The following CDK5RAP2 variants were observed in gnomAD, a reference collection of about 807,000 sequenced individuals.
The protein encoded by CDK5RAP2 is CDK5 regulatory subunit associated protein 2.
Under a neutral mutation model 232.9 loss-of-function variants are expected in CDK5RAP2, and 147 were observed. The ratio of observed to expected loss-of-function variants is 0.63; its 90% CI spans 0.55 to 0.72. CDK5RAP2 has a LOEUF of 0.72. Ranked by LOEUF, CDK5RAP2 falls within the 30% of genes least tolerant of loss-of-function variation. The probability of loss-of-function intolerance (pLI) is 0.00; values close to 1 mark genes in which losing one functional copy is unlikely to be tolerated. For synonymous variants in CDK5RAP2, 833 were observed against 833.7 expected (o/e 1.00, Z 0.01); for missense variants, 2,195 against 2,231.5 (o/e 0.98, Z 0.33).
intron 36 of CDK5RAP2, 101 bp from the exon 37 acceptor site, chr9:120,389,888 C>T: frequency 3.8e-6 from 4 of 1,054,632 alleles, no homozygotes; most frequent in Admixed American, 1.8e-5. Context: ...CCAAAGGGCT[C>T]GGACATGTAG....
intron 1 of CDK5RAP2, among the ~76,000 whole-genome samples, chr9:120,573,903 G>C (rs1217516660): frequency 2.0e-5 from 3 of 152,166 alleles, no homozygotes. Flanking sequence ...TGGTGGTCCA[G>C]AAGCCCAAGG....
chr9:120,572,371 A>T (rs551097966), intron 1 of CDK5RAP2, among the ~76,000 whole-genome samples: 2 of 152,350 alleles, frequency 1.3e-5, no homozygotes, highest in South Asian at 4.1e-4. Context: ...AATCTGGTAC[A>T]TGAGGATACC....
chr9:120,545,660 C>G, intron 5 of CDK5RAP2, 54 bp downstream of exon 5: 2 of 1,350,570 alleles, frequency 1.5e-6, no homozygotes, highest in Non-Finnish European at 2.1e-6. Context: ...CTCTATTTCA[C>G]TGACCAACCC....
At chr9:120,552,127 T>C (rs1454810260) in intron 3 of CDK5RAP2, among the ~76,000 whole-genome samples, 1 of 151,696 alleles carries the variant, frequency 6.6e-6, no homozygotes, top group African/African-American at 2.4e-5. Flanking sequence ...GAAATGCAAA[T>C]CAAAACCACA....
intron 12 of CDK5RAP2, among the ~76,000 whole-genome samples, chr9:120,499,078 A>G (rs923796240): frequency 6.6e-6 from 1 of 152,166 alleles, no homozygotes; most frequent in Non-Finnish European, 1.5e-5. Context: ...ATTTCAAACA[A>G]TTGTTTTTAA....
At chr9:120,550,665 A>G in intron 4 of CDK5RAP2, 127 bp downstream of exon 4, 1 of 730,754 alleles carries the variant, frequency 1.4e-6, no homozygotes, top group East Asian at 2.6e-5. Context: ...GCTCCCCATA[A>G]TCAATTCAGA....
chr9:120,466,726 C>T (rs1333183868), intron 18 of CDK5RAP2, among the ~76,000 whole-genome samples: 1 of 152,156 alleles, frequency 6.6e-6, no homozygotes, highest in Non-Finnish European at 1.5e-5. Context: ...ATAATGTTCC[C>T]TCTCACAAAG....
rs564228451 is a variant in CDK5RAP2, at chr9:120,400,835, G to A, written c.5358C>T (p.Ala1786=). 2 of 1,614,206 alleles carry A rather than the reference G, an allele frequency of 1.2e-6. No homozygotes were observed. The highest frequency in any genetic ancestry group is 2.7e-5 in the African/African-American group (2 of 75,054). Residue 1786 remains alanine (A), a synonymous_variant, in exon 35 of 38, where the codon GCC becomes GCT. Coordinates refer to ENST00000349780, the MANE Select transcript of CDK5RAP2 (RefSeq NM_018249.6). ...TGTAGGCCTCTTCCAGGGTCAGCTT[G>A]GCCGTGCTCACACTGCTCACAAACT... ...LSKFVSSVST[A]KLTLEEAYRR...
chr9:120,426,858 G>GTCTGTTC (rs942645181), intron 25 of CDK5RAP2, among the ~76,000 whole-genome samples: 1 of 152,200 alleles, frequency 6.6e-6, no homozygotes, highest in African/African-American at 2.4e-5. Flanking sequence ...TTGCTACAGA[G>GTCTGTTC]TCTGTTCAGT....
chr9:120,437,349 G>C lies in CDK5RAP2; in HGVS notation c.3901C>G (p.Gln1301Glu). The C allele has an allele frequency of 6.2e-7, 1 of 1,614,094 alleles. No individual in the cohort carries two copies. Among genetic ancestry groups the C allele is most frequent in the Non-Finnish European group, 8.5e-7 (1 of 1,179,994 alleles). The change falls in exon 25 of 38, where the codon CAG (glutamine) becomes GAG (glutamate). Residue 1301 changes from glutamine to glutamate, a missense_variant. Physicochemically the swap from Gln to Glu is conservative, Grantham distance 29. Transcript: ENST00000349780. ...DYCVAEGFQE[Q>E]LNQCAELLEK... The stretch of plus-strand genomic sequence containing the variant: ...AGCAGCTCAGCACATTGATTCAGCT[G>C]TTCCTGGAAACCCTCGGCCACACAG...
At chr9:120,484,715 C>A (rs1348080082) in intron 14 of CDK5RAP2, among the ~76,000 whole-genome samples, 2 of 151,872 alleles carry the variant, frequency 1.3e-5, no homozygotes, top group African/African-American at 4.8e-5. Context: ...CAGAGCAAGA[C>A]TCTGTCTCAA....
At chr9:120,507,936 A>AGT (rs2039898706) in intron 12 of CDK5RAP2, among the ~76,000 whole-genome samples, 1 of 60,462 alleles carries the variant, frequency 1.7e-5, no homozygotes, top group African/African-American at 5.4e-5. Context: ...AAAAAAAAAA[A>AGT]AAAAAAATAT....
chr9:120,407,755 T>C (rs2033572378), intron 31 of CDK5RAP2: 1 of 165,040 alleles, frequency 6.1e-6, no homozygotes, highest in Admixed American at 5.7e-5. Flanking sequence ...AAATTGATTC[T>C]GAAACATTAG....
At chr9:120,520,821 T>TA (rs2040607579) in intron 11 of CDK5RAP2, among the ~76,000 whole-genome samples, 1 of 149,968 alleles carries the variant, frequency 6.7e-6, no homozygotes, top group Admixed American at 6.7e-5. Flanking sequence ...ATATCTCATA[T>TA]ATATCTCATA....
Position 120,477,397 on chromosome 9 carries a change from C to T in CDK5RAP2, c.1680G>A (p.Glu560=), listed in dbSNP as rs951505909. 2 of 1,613,922 alleles carry T rather than the reference C, an allele frequency of 1.2e-6. No homozygotes were observed. The highest frequency in any genetic ancestry group is 2.7e-5 in the African/African-American group (2 of 74,950). The change falls in exon 15 of 38, where the codon GAG becomes GAA. Residue 560 remains glutamate (E), a synonymous_variant. Coordinates refer to ENST00000349780, the MANE Select transcript of CDK5RAP2 (RefSeq NM_018249.6). The stretch of plus-strand genomic sequence containing the variant: ...TGACCAGATGGGTATAGATGTCCTG[C>T]TCTTTCTTTAAGACCTGAATCAGCT... ...YEELIQVLKK[E]QDIYTHLVKS...
chr9:120,577,302 A>C (rs1456768267), intron 1 of CDK5RAP2, among the ~76,000 whole-genome samples: 1 of 151,570 alleles, frequency 6.6e-6, no homozygotes, highest in Non-Finnish European at 1.5e-5. Flanking sequence ...CGGAGGTTGC[A>C]GTGAGCCAAG....
chr9:120,432,334 A>C (rs1334822851), intron 25 of CDK5RAP2, among the ~76,000 whole-genome samples: 1 of 152,254 alleles, frequency 6.6e-6, no homozygotes, highest in Non-Finnish European at 1.5e-5. Context: ...CTGGGCATAT[A>C]TACTCCAGGG....
chr9:120,501,133 C>G (rs1488632405), intron 12 of CDK5RAP2, among the ~76,000 whole-genome samples: 1 of 152,234 alleles, frequency 6.6e-6, no homozygotes, highest in Non-Finnish European at 1.5e-5. Context: ...ACCCCCCTGA[C>G]CTCGCTGCCC....
intron 14 of CDK5RAP2, among the ~76,000 whole-genome samples, chr9:120,482,687 G>A (rs539774959): frequency 6.6e-6 from 1 of 152,348 alleles, no homozygotes; most frequent in Admixed American, 6.5e-5. Flanking sequence ...GCCAGGCACA[G>A]TGTCTGGCAC....
Sources: gnomAD v4.1 joint callset for allele counts (sites outside exome capture counted in the v4.1 genomes callset) on GRCh38, gnomAD v4.1.1 for gene constraint, MANE v1.5 for transcripts, NCBI Gene and HGNC (gene_info 2026-07-23, HGNC 2026-07-21) for gene names.